The following INPP5E variants were observed in gnomAD, a reference collection of about 807,000 sequenced individuals.
The protein encoded by INPP5E is phosphatidylinositol polyphosphate 5-phosphatase type IV.
A neutral mutation model predicts 50.5 loss-of-function variants in INPP5E; 34 were observed. The ratio of observed to expected loss-of-function variants is 0.67; its 90% CI spans 0.51 to 0.90. The LOEUF is 0.90. INPP5E is among the 40% of genes least tolerant of loss of function. The pLI is 0.00. For synonymous variants in INPP5E, 447 were observed against 406.0 expected (o/e 1.10, Z -1.21); for missense variants, 942 against 905.5 (o/e 1.04, Z -0.52).
intron 1 of INPP5E, chr9:136,435,927 G>A (rs1046971467): frequency 1.1e-4 from 16 of 152,232 alleles, no homozygotes; most frequent in Admixed American, 6.5e-4. Flanking sequence ...CCCGTTCTCA[G>A]CTCGCCGACT....
intron 1 of INPP5E, chr9:136,438,245 A>C (rs1244944805): frequency 3.0e-6 from 1 of 331,212 alleles, no homozygotes; most frequent in Non-Finnish European, 5.7e-6. Context: ...GCTGCACTCC[A>C]GCCTGGGCGA....
In INPP5E at chr9:136,439,569, G is replaced by A. The variant is rs576919520; in HGVS notation, c.-150C>T. The A allele has an allele frequency of 2.2e-3, 1,092 of 498,436 alleles. 9 individuals are homozygous for A. The highest frequency in any genetic ancestry group is 0.02 in the African/African-American group (994 of 49,628). The allele number at this position is 498,436 out of a possible 1,614,324, so 30.9% of individuals were successfully genotyped here. On this transcript the variant is annotated 5_prime_UTR_variant, in exon 1 of 10. Coordinates refer to ENST00000371712, the MANE Select transcript of INPP5E (RefSeq NM_019892.6). The stretch of plus-strand genomic sequence containing the variant: ...CGGGGATGGTCGCGGAGGGGCGGGG[G>A]CGGCTGCCGCATGGCCCGGGCCCCG...
chr9:136,432,353 A>C, intron 6 of INPP5E, 126 bp downstream of exon 6: 1 of 722,478 alleles, frequency 1.4e-6, no homozygotes, highest in Non-Finnish European at 2.5e-6. Context: ...CGCTGGGGGC[A>C]CTGGACGTTT....
rs754015058 is a variant in INPP5E at position 136,431,894 on chromosome 9, C to T, written c.1479G>A (p.Leu493=). ...SGGRTVVDAL[L]CQGLVVDVPA... ...GCACGTCCACCACCAGGCCCTGGCA[C>T]AGGAGGGCGTCCACGACTGTGCGCC... Residue 493 remains leucine, a synonymous_variant, in exon 7 of 10, where the codon CTG becomes CTA. Transcript: ENST00000371712. 1.2e-6 allele frequency: 2 copies of T among 1,611,110 alleles called. No individual in the cohort carries two copies. Among genetic ancestry groups the T allele is most frequent in the South Asian group, 1.1e-5 (1 of 90,930 alleles).
Position 136,438,989 on chromosome 9 carries a change from C to T in INPP5E, c.431G>A (p.Arg144His). The T allele has an allele frequency of 6.3e-7, 1 of 1,585,136 alleles. No homozygotes were observed. Among genetic ancestry groups the T allele is most frequent in the Non-Finnish European group, 8.6e-7 (1 of 1,166,456 alleles). The change falls in exon 1 of 10, where the codon CGC becomes CAC. Residue 144 changes from arginine to histidine, a missense_variant. Physicochemically the swap from Arg to His is conservative, Grantham distance 29. Coordinates refer to ENST00000371712, the MANE Select transcript of INPP5E (RefSeq NM_019892.6). ...CCCTCTCTCACTGCTCAGGACCCCG[C>T]GGGACTTGGGGATTTCCTGCAAGGA... is the stretch of plus-strand genomic sequence containing the variant. ...STSLQEIPKS[R>H]GVLSSERGSP...
At position 136,438,874 on chromosome 9, in the gene INPP5E, C is replaced by T; in HGVS notation, c.546G>A (p.Ser182=). The T allele has an allele frequency of 6.3e-7, 1 of 1,585,160 alleles. No individual in the cohort carries two copies. Among genetic ancestry groups the T allele is most frequent in the Non-Finnish European group, 8.6e-7 (1 of 1,165,426 alleles). Residue 182 remains serine, a synonymous_variant, in exon 1 of 10, where the codon TCG becomes TCA. Transcript: ENST00000371712. ...GGGGCAGCAGGCTGGGCAGCCTGGG[C>T]GAGCTCCCCGCCACGGCGGCGTCTC... ...PHRDAAVAGS[S]PRLPSLLPPR... is the part of the protein sequence containing the mutation.
rs796175219 is a variant in INPP5E at position 136,428,709 on chromosome 9, A to G, written c.*966T>C. 5.2e-5 allele frequency: 8 copies of G among 152,758 alleles called. No individual in the cohort carries two copies. The highest frequency in any genetic ancestry group is 1.9e-4 in the African/African-American group (8 of 41,588). The allele number at this position is 152,758 out of a possible 1,614,324, so 9.5% of individuals were successfully genotyped here. Reference sequence around the variant, plus strand: ...ATTGAATGTCCCTAGATTTTCACACATTCAAAGACTACATTTTTTCAAGAG... The same window carrying G: ...ATTGAATGTCCCTAGATTTTCACACGTTCAAAGACTACATTTTTTCAAGAG... On this transcript the variant is annotated 3_prime_UTR_variant, in exon 10 of 10. Transcript: ENST00000371712.
In INPP5E at chr9:136,439,416, G is replaced by A. The variant is rs1399373117; in HGVS notation, c.4C>T (p.Pro2Ser). M[P>S]SKAENLRPSE... is the part of the protein sequence containing the mutation. ...GGCCGCAGATTCTCCGCCTTGGACG[G>A]CATGGACGGTCTCTCCCGGGGCAGG... The change falls in exon 1 of 10, where the codon CCG (proline) becomes TCG (serine). Residue 2 changes from proline to serine, a missense_variant. Coordinates refer to ENST00000371712, the MANE Select transcript of INPP5E (RefSeq NM_019892.6). The A allele has an allele frequency of 2.0e-6, 3 of 1,465,258 alleles. No individual in the cohort carries two copies. Among genetic ancestry groups the A allele is most frequent in the Non-Finnish European group, 2.7e-6 (3 of 1,114,214 alleles). The allele number at this position is 1,465,258 out of a possible 1,614,324, so 90.8% of individuals were successfully genotyped here.
chr9:136,439,637 G>A lies in INPP5E; in HGVS notation c.-218C>T. 2.8e-6 allele frequency: 1 copy of A among 362,054 alleles called. No individual in the cohort carries two copies. 22.4% of individuals were successfully genotyped at this position (362,054 alleles called of 1,614,324 possible). The stretch of plus-strand genomic sequence containing the variant: ...GGGGCTCCCAGACGCCGTTCCCAGG[G>A]CGGTCCGCAGGCAAGGCCTGGGGGA... On this transcript the variant is annotated 5_prime_UTR_variant, in exon 1 of 10. Coordinates refer to ENST00000371712, the MANE Select transcript of INPP5E (RefSeq NM_019892.6).
At position 136,439,466 on chromosome 9, in the gene INPP5E, G is replaced by A. The variant is rs1391387654; in HGVS notation, c.-47C>T. The A allele has an allele frequency of 2.2e-6, 3 of 1,373,900 alleles. No homozygotes were observed. The highest frequency in any genetic ancestry group is 3.0e-5 in the African/African-American group (2 of 65,942). The allele number at this position is 1,373,900 out of a possible 1,614,324, so 85.1% of individuals were successfully genotyped here. On this transcript the variant is annotated 5_prime_UTR_variant, in exon 1 of 10. Transcript: ENST00000371712. Reference sequence around the variant, plus strand: ...GCCTCGGCGCGAGGCCGCAGGCAGCGCGAGGGGTCACGGGTGCCGGGTCCG... The same window carrying A: ...GCCTCGGCGCGAGGCCGCAGGCAGCACGAGGGGTCACGGGTGCCGGGTCCG...
At position 136,430,432 on chromosome 9, in the gene INPP5E, G is replaced by A. The variant is rs374671289; in HGVS notation, c.1666-19C>T. Reference sequence around the variant, plus strand: ...CGCGGTCCTTTGGGAAGATTGCAGAGGCAGGAGGTCCAGTTACTTGTGAGG... The same window carrying A: ...CGCGGTCCTTTGGGAAGATTGCAGAAGCAGGAGGTCCAGTTACTTGTGAGG... On this transcript the variant is annotated intron_variant, in intron 8 of 9. Transcript: ENST00000371712. 6.1e-5 allele frequency: 95 copies of A among 1,553,554 alleles called. No individual in the cohort carries two copies. In the African/African-American group the frequency reaches 1.2e-3, roughly 19 times the overall value.
intron 1 of INPP5E, chr9:136,436,096 G>C (rs934962500): frequency 6.6e-6 from 1 of 152,174 alleles, no homozygotes; most frequent in African/African-American, 2.4e-5. Context: ...CCTCCCGCGA[G>C]AACTTCTTCA....
In INPP5E at chr9:136,428,659, A is replaced by G. The variant is rs1296421440; in HGVS notation, c.*1016T>C. ...TATGCATTTATTTAAAAATATAAAT[A>G]TGGAAAAATAATTTAAAAGACTAGA... On this transcript the variant is annotated 3_prime_UTR_variant, in exon 10 of 10. Transcript: ENST00000371712. 1 of 152,434 alleles carries G rather than the reference A, an allele frequency of 6.6e-6. No homozygotes were observed. The highest frequency in any genetic ancestry group is 1.5e-5 in the Non-Finnish European group (1 of 68,044). The allele number at this position is 152,434 out of a possible 1,614,324, so 9.4% of individuals were successfully genotyped here.
At chr9:136,432,053 A>C in intron 6 of INPP5E, 68 bp from the exon 7 acceptor site, 2 of 1,588,510 alleles carry the variant, frequency 1.3e-6, no homozygotes, top group Non-Finnish European at 1.7e-6. Flanking sequence ...TCCCCAGAAC[A>C]TGGCCTGGGA....
At chr9:136,435,981 C>T (rs1314417910) in intron 1 of INPP5E, 1 of 152,250 alleles carries the variant, frequency 6.6e-6, no homozygotes, top group East Asian at 1.9e-4. Context: ...GTCCTCCCCG[C>T]TCCCTCTCTA....
Position 136,431,808 on chromosome 9 carries a change from C to A in INPP5E, c.1549+16G>T, listed in dbSNP as rs1269924087. On this transcript the variant is annotated intron_variant, in intron 7 of 9. Transcript: ENST00000371712. ...TCTCCTCATCTCCCTCCATGCCCGC[C>A]CCCCCAGGCCCTCACCTTTCCGCAT... 1 of 1,570,436 alleles carries A rather than the reference C, an allele frequency of 6.4e-7. No homozygotes were observed. The highest frequency in any genetic ancestry group is 1.8e-5 in the Admixed American group (1 of 56,174).
At chr9:136,429,862 TTAGGAGGGGGCCGGCCCCG>T (rs979206393) in intron 9 of INPP5E, 55 bp from the exon 10 acceptor site, 5 of 1,427,736 alleles carry the variant, frequency 3.5e-6, no homozygotes, top group South Asian at 2.3e-5. Flanking sequence ...GGAGGGGGCG[TTAGGAGGGGGCCGGCCCCG>T]GAGGAGGGGG....
At position 136,431,048 on chromosome 9, in the gene INPP5E, T is replaced by C. The variant is rs1159924823; in HGVS notation, c.1619A>G (p.Lys540Arg). Residue 540 changes from lysine (K) to arginine (R), a missense_variant, in exon 8 of 10, where the codon AAG becomes AGG. Physicochemically the swap from Lys to Arg is conservative, Grantham distance 26. Coordinates refer to ENST00000371712, the MANE Select transcript of INPP5E (RefSeq NM_019892.6). ...FLPSYKFDIG[K>R]DTYDSTSKQR... ...CTTGGAGGTGCTGTCGTACGTGTCCTTCCCGATGTCAAACTTGTATGATGG... is the reference window on the plus strand; with the variant it reads ...CTTGGAGGTGCTGTCGTACGTGTCCCTCCCGATGTCAAACTTGTATGATGG... The C allele has an allele frequency of 6.2e-7, 1 of 1,613,210 alleles. No individual in the cohort carries two copies. Among genetic ancestry groups the C allele is most frequent in the East Asian group, 2.2e-5 (1 of 44,804 alleles).
At chr9:136,435,005 G>T in intron 1 of INPP5E, 142 bp from the exon 2 acceptor site, 1 of 1,021,872 alleles carries the variant, frequency 9.8e-7, no homozygotes, top group South Asian at 1.5e-5. Flanking sequence ...CCTGGCCCCC[G>T]CGGCACTGCT....
Sources: gnomAD v4.1 joint callset for allele counts on GRCh38, gnomAD v4.1.1 for gene constraint, MANE v1.5 for transcripts, NCBI Gene and HGNC (gene_info 2026-07-23, HGNC 2026-07-21) for gene names.